GAN: variants seen among roughly 807,000 people sequenced by gnomAD.
GAN encodes gigaxonin, also known as epididymis secretory sperm binding protein.
Under a neutral mutation model 71.3 loss-of-function variants are expected in GAN, and 48 were observed. The observed-to-expected ratio is 0.67, with a 90% confidence interval of 0.53 to 0.86. The LOEUF (loss-of-function observed/expected upper bound fraction) is 0.86. GAN is among the 40% of genes least tolerant of loss of function. GAN has a pLI of 0.00. For synonymous variants in GAN, 386 were observed against 276.8 expected (o/e 1.39, Z -3.92); for missense variants, 928 against 770.1 (o/e 1.21, Z -2.43).
chr16:81,324,469 G>C (rs1039373677), intron 1 of GAN, among the ~76,000 whole-genome samples: 1 of 152,144 alleles, frequency 6.6e-6, no homozygotes, highest in African/African-American at 2.4e-5. Context: ...GAGGCACCAG[G>C]ATCAGGGGTG....
intron 9 of GAN, among the ~76,000 whole-genome samples, chr16:81,376,625 TAC>T (rs1312159780): frequency 1.3e-5 from 2 of 148,386 alleles, no homozygotes; most frequent in Non-Finnish European, 3.0e-5. Flanking sequence ...TATGTATATA[TAC>T]ATACATATAT....
At chr16:81,371,547 C>T (rs951718836) in intron 9 of GAN, among the ~76,000 whole-genome samples, 16 of 152,172 alleles carry the variant, frequency 1.1e-4, no homozygotes, top group African/African-American at 3.6e-4. Context: ...GTCCAGTTCT[C>T]GAAGCCTCGG....
chr16:81,376,462 CATATGTGT>C lies in GAN; in HGVS notation c.1503-756_1503-749del, dbSNP rs1194089889. Among the ~76,000 whole-genome samples, 59 of 93,832 alleles carry C rather than the reference CATATGTGT, an allele frequency of 6.3e-4. 1 individual carries two copies. The highest frequency in any genetic ancestry group is 7.4e-3 in the Middle Eastern group (1 of 136). The allele number at this position is 93,832 out of a possible 152,430, so 61.6% of individuals were successfully genotyped here. A position where few individuals can be genotyped will look rare whatever the true frequency, so the allele number is the denominator to read the frequency against. ...TGGCAATATCCCATCTTTATACATA[CATATGTGT>C]GTGTGTGTGTGTGTGTGTGTGTGTG... On this transcript the variant is annotated intron_variant, in intron 9 of 10. Transcript: ENST00000648994.
rs990008562 is a variant in GAN at position 81,379,393 on chromosome 16, G to C, written c.*1797G>C. 3 of 152,186 alleles carry C rather than the reference G, an allele frequency of 2.0e-5. No individual in the cohort carries two copies. Among genetic ancestry groups the C allele is most frequent in the African/African-American group, 7.2e-5 (3 of 41,438 alleles). 9.4% of individuals were successfully genotyped at this position (152,186 alleles called of 1,614,324 possible). A position where few individuals can be genotyped will look rare whatever the true frequency, so the allele number is the denominator to read the frequency against. On this transcript the variant is annotated 3_prime_UTR_variant, in exon 11 of 11. Coordinates refer to ENST00000648994, the MANE Select transcript of GAN (RefSeq NM_022041.4). Reference sequence around the variant, plus strand: ...AGATACCTGATAAGAGAAGGTGTAAGGTTTTTATCTTATATGCCAGAGGCA... The same window carrying C: ...AGATACCTGATAAGAGAAGGTGTAACGTTTTTATCTTATATGCCAGAGGCA...
chr16:81,365,246 C>T (rs1476039869), intron 8 of GAN, 104 bp from the exon 9 acceptor site: 2 of 1,560,992 alleles, frequency 1.3e-6, no homozygotes, highest in East Asian at 2.2e-5. Flanking sequence ...GAAAGGAAGG[C>T]CCACGTAGTA....
In GAN at chr16:81,346,673, A is replaced by G. The variant is rs566218817; in HGVS notation, c.168-4910A>G. On this transcript the variant is annotated intron_variant, in intron 1 of 10. Transcript: ENST00000648994. ...TCCACGAAACCAGTCCCTGGTGCCA[A>G]AAAGGTTGGGGACTGCTGCTCTAAG... 2.0e-5 allele frequency among the ~76,000 whole-genome samples: 3 copies of G among 152,258 alleles called. No homozygotes were observed. In the South Asian group the frequency reaches 6.2e-4, roughly 32 times the overall value.
chr16:81,334,770 C>G (rs567029013), intron 1 of GAN, among the ~76,000 whole-genome samples: 58 of 152,264 alleles, frequency 3.8e-4, no homozygotes, highest in African/African-American at 1.4e-3. Context: ...TTCATGATGC[C>G]ATTCTAAACA....
Position 81,369,110 on chromosome 16 carries a change from G to C in GAN, c.1502+3632G>C, listed in dbSNP as rs1229571804. On this transcript the variant is annotated intron_variant, in intron 9 of 10. Coordinates refer to ENST00000648994, the MANE Select transcript of GAN (RefSeq NM_022041.4). ...TGCCCCTCTACTTTAATTTTTTACA[G>C]TATATAAGTTAAATTAACTGTTCTT... Among the ~76,000 whole-genome samples, 2 of 152,086 alleles carry C rather than the reference G, an allele frequency of 1.3e-5. 1 individual carries two copies. Among genetic ancestry groups the C allele is most frequent in the Middle Eastern group, 6.3e-3 (2 of 316 alleles).
intron 1 of GAN, among the ~76,000 whole-genome samples, chr16:81,330,422 A>G (rs1028992909): frequency 2.4e-4 from 37 of 152,230 alleles, no homozygotes; most frequent in African/African-American, 8.7e-4. Context: ...CCAGAGGCCA[A>G]TACCTCAGCA....
At chr16:81,364,676 G>A (rs981944375) in intron 7 of GAN, among the ~76,000 whole-genome samples, 8 of 152,160 alleles carry the variant, frequency 5.3e-5, no homozygotes, top group South Asian at 2.1e-4. Flanking sequence ...GCAACTGAAC[G>A]AGACCCTGTC....
chr16:81,325,027 G>C lies in GAN; in HGVS notation c.167+9747G>C, dbSNP rs531087784. On this transcript the variant is annotated intron_variant, in intron 1 of 10. Coordinates refer to ENST00000648994, the MANE Select transcript of GAN (RefSeq NM_022041.4). ...AAGGGCAGACCAGGGATGACTCGCAGCCAGGGATGGCTCCCAGGCAGGGAT... is the reference window on the plus strand; with the variant it reads ...AAGGGCAGACCAGGGATGACTCGCACCCAGGGATGGCTCCCAGGCAGGGAT... Among the ~76,000 whole-genome samples, 5 of 150,740 alleles carry C rather than the reference G, an allele frequency of 3.3e-5. No individual in the cohort carries two copies. The East Asian group carries it at 9.8e-4, about 30-fold the overall frequency.
chr16:81,356,350 GTAT>G (rs1910485824), intron 3 of GAN, among the ~76,000 whole-genome samples: 1 of 151,818 alleles, frequency 6.6e-6, no homozygotes, highest in Non-Finnish European at 1.5e-5. Flanking sequence ...TATTTTTCTT[GTAT>G]TATTAATGTT....
intron 1 of GAN, among the ~76,000 whole-genome samples, chr16:81,333,241 CAAAA>C (rs34186926): frequency 3.7e-5 from 4 of 107,144 alleles, no homozygotes; most frequent in Non-Finnish European, 3.7e-5. Flanking sequence ...GACTCCATCT[CAAAA>C]AAAAAAAAAA....
In GAN at chr16:81,386,174, A is replaced by G. The variant is rs554705107; in HGVS notation, c.*8578A>G. The G allele has an allele frequency of 2.3e-4, 35 of 152,344 alleles. No homozygotes were observed. Among genetic ancestry groups the G allele is most frequent in the African/African-American group, 8.4e-4 (35 of 41,580 alleles). The allele number at this position is 152,344 out of a possible 1,614,324, so 9.4% of individuals were successfully genotyped here. On this transcript the variant is annotated 3_prime_UTR_variant, in exon 11 of 11. Coordinates refer to ENST00000648994, the MANE Select transcript of GAN (RefSeq NM_022041.4). ...TTTAGAATACTTAGAGTTTGTTATA[A>G]ATAACCCTCTGTTTAGAATTTGCCC...
intron 1 of GAN, among the ~76,000 whole-genome samples, chr16:81,321,488 C>G (rs779476942): frequency 2.6e-5 from 4 of 152,170 alleles, no homozygotes; most frequent in Non-Finnish European, 5.9e-5. Context: ...GTAAAATGCT[C>G]TTCCACATAG....
At chr16:81,363,020 A>G (rs146745443) in intron 6 of GAN, among the ~76,000 whole-genome samples, 1,561 of 152,264 alleles carry the variant, frequency 0.01, 28 homozygotes, top group African/African-American at 0.036. Flanking sequence ...AGAGAATTAC[A>G]TGTGTTCTGG....
chr16:81,318,859 A>G lies in GAN; in HGVS notation c.167+3579A>G, dbSNP rs970294990. ...GAGAGAGCACGTGTCATGCAGCCCT[A>G]GGGTGCAGCTGCTCCAGGAAGGAGG... On this transcript the variant is annotated intron_variant, in intron 1 of 10. Coordinates refer to ENST00000648994, the MANE Select transcript of GAN (RefSeq NM_022041.4). Among the ~76,000 whole-genome samples, 4 of 152,272 alleles carry G rather than the reference A, an allele frequency of 2.6e-5. No homozygotes were observed. The East Asian group carries it at 7.7e-4, about 29-fold the overall frequency.
chr16:81,375,699 C>T (rs551499674), intron 9 of GAN, among the ~76,000 whole-genome samples: 18 of 152,044 alleles, frequency 1.2e-4, no homozygotes, highest in Admixed American at 1.0e-3. Context: ...GGTATGGTGG[C>T]TCACACCTGC....
chr16:81,332,092 C>T (rs902910557), intron 1 of GAN, among the ~76,000 whole-genome samples: 1 of 148,530 alleles, frequency 6.7e-6, no homozygotes, highest in Non-Finnish European at 1.5e-5. Flanking sequence ...ACCTGGGAGG[C>T]AGAGGTTGCG....
Sources: allele counts gnomAD v4.1 joint callset (sites outside exome capture counted in the v4.1 genomes callset), GRCh38; gene constraint gnomAD v4.1.1; transcripts MANE v1.5; gene names NCBI Gene and HGNC (gene_info 2026-07-23, HGNC 2026-07-21).